Variants in RFTN1 observed in about 807,000 individuals in gnomAD.
RFTN1 encodes the protein raftlin.
RFTN1 carries 26 observed loss-of-function variants against 46.5 expected under a neutral mutation model. That is an observed-to-expected ratio of 0.56 (90% CI 0.41 to 0.78). The LOEUF is 0.78. RFTN1 is among the 30% of genes least tolerant of loss of function. The pLI is 0.00. For synonymous variants in RFTN1, 261 were observed against 284.2 expected (o/e 0.92, Z 0.82); for missense variants, 693 against 718.7 (o/e 0.96, Z 0.41).
At position 16,447,686 on chromosome 3, in the gene RFTN1, G is replaced by A. The variant is rs2075756509; in HGVS notation, c.146-13649C>T. Among the ~76,000 whole-genome samples, 1 of 152,204 alleles carries A rather than the reference G, an allele frequency of 6.6e-6. No individual in the cohort carries two copies. ...CAATTAGGTGAGAGCCAATGGTCAG[G>A]GGGATGTTCTTCAGACTAATACAAC... is the stretch of plus-strand genomic sequence containing the variant. On this transcript the variant is annotated intron_variant, in intron 2 of 9. Coordinates refer to ENST00000334133, the MANE Select transcript of RFTN1 (RefSeq NM_015150.2). The surrounding 1 kb of genome is among the most constrained non-coding windows in gnomAD (Gnocchi z 5.9).
At chr3:16,392,680 CATAT>C (rs56680725) in intron 4 of RFTN1, among the ~76,000 whole-genome samples, 27 of 150,072 alleles carry the variant, frequency 1.8e-4, no homozygotes, top group Admixed American at 1.3e-3. Flanking sequence ...CACACACACA[CATAT>C]ATATATATAT....
intron 3 of RFTN1, among the ~76,000 whole-genome samples, chr3:16,430,951 T>C (rs929668488): frequency 7.2e-5 from 11 of 152,236 alleles, no homozygotes; most frequent in African/African-American, 2.7e-4. Context: ...AGCCCCCAGC[T>C]TCACTGCTGG....
intron 2 of RFTN1, among the ~76,000 whole-genome samples, chr3:16,490,651 T>G (rs1358856917): frequency 6.6e-6 from 1 of 152,230 alleles, no homozygotes; most frequent in Non-Finnish European, 1.5e-5. Flanking sequence ...AATTCAGTAA[T>G]TCCTGAGGAA....
intron 4 of RFTN1, among the ~76,000 whole-genome samples, chr3:16,386,223 G>A (rs1158014224): frequency 6.6e-6 from 1 of 152,158 alleles, no homozygotes; most frequent in African/African-American, 2.4e-5. Context: ...ATGAGAAGCA[G>A]GGCTAGCAAA....
chr3:16,324,324 T>A (rs1172720821), intron 8 of RFTN1, among the ~76,000 whole-genome samples: 1 of 152,176 alleles, frequency 6.6e-6, no homozygotes, highest in Non-Finnish European at 1.5e-5. Context: ...AACTGTAAAC[T>A]ATACAAGGCA....
intron 4 of RFTN1, among the ~76,000 whole-genome samples, chr3:16,404,268 T>A (rs1405407693): frequency 8.9e-5 from 2 of 22,590 alleles, no homozygotes; most frequent in African/African-American, 4.5e-4. Flanking sequence ...TAATATATAA[T>A]ATATATAATA....
chr3:16,414,767 G>C (rs1217782497), intron 3 of RFTN1, among the ~76,000 whole-genome samples: 1 of 152,074 alleles, frequency 6.6e-6, no homozygotes, highest in Non-Finnish European at 1.5e-5. Context: ...GTAAGGGACC[G>C]GGCTCATCCA....
At position 16,428,618 on chromosome 3, in the gene RFTN1, T is replaced by C. The variant is rs17042260; in HGVS notation, c.332+5233A>G. On this transcript the variant is annotated intron_variant, in intron 3 of 9. Coordinates refer to ENST00000334133, the MANE Select transcript of RFTN1 (RefSeq NM_015150.2). The surrounding 1 kb of genome is among the most constrained non-coding windows in gnomAD (Gnocchi z 4.7). The stretch of plus-strand genomic sequence containing the variant: ...CCCTAGTATGCTGGTCCCTGTACCA[T>C]GTAAGGCATTACTCTACGGAAGCTG... 0.14 allele frequency among the ~76,000 whole-genome samples: 20,810 copies of C among 152,184 alleles called. 2,652 individuals carry two copies. Among genetic ancestry groups the C allele is most frequent in the African/African-American group, 0.34 (14,011 of 41,464 alleles).
chr3:16,488,180 G>A (rs1032180146), intron 2 of RFTN1, among the ~76,000 whole-genome samples: 7 of 148,078 alleles, frequency 4.7e-5, no homozygotes, highest in South Asian at 2.1e-4. Context: ...TCAGCTCACC[G>A]CAACCTCTAC....
At chr3:16,372,584 G>C (rs1164678614) in intron 5 of RFTN1, among the ~76,000 whole-genome samples, 6 of 152,196 alleles carry the variant, frequency 3.9e-5, no homozygotes, top group Non-Finnish European at 8.8e-5. Context: ...GGGGAATTTG[G>C]AAGTGGCCAA....
At chr3:16,378,130 C>T in intron 4 of RFTN1, 28 bp from the exon 5 acceptor site, 1 of 1,586,604 alleles carries the variant, frequency 6.3e-7, no homozygotes, top group Non-Finnish European at 8.6e-7. Flanking sequence ...GGAAGGGAAA[C>T]AAGTGAATGA....
Position 16,451,733 on chromosome 3 carries a change from T to C in RFTN1, c.146-17696A>G, listed in dbSNP as rs1219116179. ...TGTGACAGCAAAACTACTAGCGTGATTTTTTTTTCCTTCCTCACAATTTCA... is the reference window on the plus strand; with the variant it reads ...TGTGACAGCAAAACTACTAGCGTGACTTTTTTTTCCTTCCTCACAATTTCA... On this transcript the variant is annotated intron_variant, in intron 2 of 9. Coordinates refer to ENST00000334133, the MANE Select transcript of RFTN1 (RefSeq NM_015150.2). This position sits in a 1 kb window ranked among gnomAD's most constrained non-coding sequence, Gnocchi z 4.2. 6.6e-6 allele frequency among the ~76,000 whole-genome samples: 1 copy of C among 151,766 alleles called. No homozygotes were observed. Among genetic ancestry groups the C allele is most frequent in the African/African-American group, 2.4e-5 (1 of 41,312 alleles).
chr3:16,430,890 A>C (rs923847878), intron 3 of RFTN1, among the ~76,000 whole-genome samples: 1 of 152,216 alleles, frequency 6.6e-6, no homozygotes, highest in African/African-American at 2.4e-5. Flanking sequence ...TCTTCTGGAA[A>C]GTAAGTTCAT....
At chr3:16,485,370 C>T (rs974469419) in intron 2 of RFTN1, among the ~76,000 whole-genome samples, 1 of 151,886 alleles carries the variant, frequency 6.6e-6, no homozygotes, top group Non-Finnish European at 1.5e-5. Context: ...GGACTCCATA[C>T]ATACAACAGC....
At chr3:16,505,188 C>T (rs1045501379) in intron 1 of RFTN1, among the ~76,000 whole-genome samples, 2 of 152,230 alleles carry the variant, frequency 1.3e-5, no homozygotes, top group Non-Finnish European at 2.9e-5. Context: ...ATCACATCTG[C>T]TGTGCAGCTT....
chr3:16,390,286 T>A (rs2074314699), intron 4 of RFTN1, among the ~76,000 whole-genome samples: 1 of 152,158 alleles, frequency 6.6e-6, no homozygotes, highest in Admixed American at 6.5e-5. Flanking sequence ...AAGTGTAAAA[T>A]CTAAATCCTT....
intron 2 of RFTN1, chr3:16,472,115 T>C (rs1379476192): frequency 6.7e-6 from 1 of 148,794 alleles, no homozygotes; most frequent in East Asian, 1.9e-4. Flanking sequence ...TTAAAGAAGT[T>C]AAGCTGTTAA....
chr3:16,482,602 C>G, intron 2 of RFTN1: 2 of 759,162 alleles, frequency 2.6e-6, no homozygotes, highest in Non-Finnish European at 4.6e-6. Flanking sequence ...TGCAGAACCA[C>G]GGGCACATTA....
chr3:16,423,584 TA>T (rs1368622769), intron 3 of RFTN1, among the ~76,000 whole-genome samples: 1 of 152,234 alleles, frequency 6.6e-6, no homozygotes, highest in East Asian at 1.9e-4. Flanking sequence ...CTTAGGGGAA[TA>T]AAGATAATAT....
Sources: gnomAD v4.1 joint callset for allele counts (sites outside exome capture counted in the v4.1 genomes callset) on GRCh38, gnomAD v4.1.1 for gene constraint, Gnocchi (gnomAD v3.1) non-coding constraint, MANE v1.5 for transcripts, NCBI Gene and HGNC (gene_info 2026-07-23, HGNC 2026-07-21) for gene names.